Variants in SEMA3G observed in about 807,000 individuals in gnomAD.
SEMA3G encodes semaphorin-3G.
In SEMA3G, 70 loss-of-function variants were observed where a neutral mutation model predicts 86.2. That is an observed-to-expected ratio of 0.81 (90% CI 0.67 to 0.99). The LOEUF is 0.99. Among genes scored for constraint, SEMA3G ranks in the 50% least tolerant of loss-of-function variants. The pLI is 0.00. For missense variants in SEMA3G, 1,002 were observed against 1,072.4 expected (o/e 0.93, Z 0.92); for synonymous variants, 416 against 441.4 (o/e 0.94, Z 0.72).
At chr3:52,440,724 T>A in intron 9 of SEMA3G, 30 bp downstream of exon 9, 2 of 1,595,268 alleles carry the variant, frequency 1.3e-6, no homozygotes, top group Admixed American at 3.4e-5. Flanking sequence ...CAGGGGCCCA[T>A]CGCAAGGCCG....
chr3:52,443,471 G>A (rs551916299), intron 1 of SEMA3G, among the ~76,000 whole-genome samples: 1 of 152,306 alleles, frequency 6.6e-6, no homozygotes, highest in South Asian at 2.1e-4. Context: ...CCACCCCAGA[G>A]ATGAGAGCGG....
In SEMA3G at chr3:52,435,823, A is replaced by T. The variant is rs143334628; in HGVS notation, c.2129T>A (p.Ile710Asn). The change falls in exon 16 of 16, where the codon ATC (isoleucine) becomes AAC (asparagine). Residue 710 changes from isoleucine (I) to asparagine (N), a missense_variant. By Grantham distance (149) the Ile-to-Asn change is moderately radical. Transcript: ENST00000231721. ...STPPKAWYKDILQLIGFANLP... is the reference protein window; with the variant it reads ...STPPKAWYKDNLQLIGFANLP... ...GTTGGCGAAGCCAATGAGCTGCAGG[A>T]TGTCCTTGTACCAGGCCTTGGGTGG... 21 of 1,613,908 alleles carry T rather than the reference A, an allele frequency of 1.3e-5. No homozygotes were observed. Among genetic ancestry groups the T allele is most frequent in the African/African-American group, 2.7e-5 (2 of 74,876 alleles).
At chr3:52,437,364 G>A (rs748955194) in intron 15 of SEMA3G, among the ~76,000 whole-genome samples, 163 bp downstream of exon 15, 142 of 152,214 alleles carry the variant, frequency 9.3e-4, no homozygotes, top group Non-Finnish European at 1.4e-3. Context: ...GCAAAAATAG[G>A]GCACCTCCTT....
Position 52,438,129 on chromosome 3 carries a change from G to T in SEMA3G, c.1580C>A (p.Thr527Asn). 8.1e-6 allele frequency: 13 copies of T among 1,613,296 alleles called. No homozygotes were observed. The highest frequency in any genetic ancestry group is 1.0e-5 in the Non-Finnish European group (12 of 1,180,026). The stretch of plus-strand genomic sequence containing the variant: ...GGCCAGGCAGCACTCTGCACAGGCA[G>T]TGCCGTAAGTCTCACATTGGTGCAG... Reference protein sequence around the residue: ...LRLHQCETYGTACAECCLARD... With the variant: ...LRLHQCETYGNACAECCLARD... The change falls in exon 14 of 16, where the codon ACT (threonine) becomes AAT (asparagine). Residue 527 changes from threonine (T) to asparagine (N), a missense_variant. Transcript: ENST00000231721.
In SEMA3G at chr3:52,435,728, G is replaced by A. The variant is rs772782352; in HGVS notation, c.2224C>T (p.Arg742Trp). 15 of 1,613,910 alleles carry A rather than the reference G, an allele frequency of 9.3e-6. No individual in the cohort carries two copies. Among genetic ancestry groups the A allele is most frequent in the Admixed American group, 1.7e-5 (1 of 60,006 alleles). ...RGTTECSGCF[R>W]SRSRGKQARG... The stretch of plus-strand genomic sequence containing the variant: ...GCCTGCTTGCCCCGGCTCCGGCTCC[G>A]GAAGCAGCCTGAGCATTCCGTGGTG... Residue 742 changes from arginine (R) to tryptophan (W), a missense_variant, in exon 16 of 16, where the codon CGG becomes TGG. Transcript: ENST00000231721.
At chr3:52,438,790 A>T in intron 13 of SEMA3G, 130 bp downstream of exon 13, 2 of 1,502,662 alleles carry the variant, frequency 1.3e-6, no homozygotes, top group Non-Finnish European at 1.8e-6. Flanking sequence ...GGGGCGAATC[A>T]GGCCTGCCTC....
Position 52,440,841 on chromosome 3 carries a change from G to T in SEMA3G, c.929-18C>A. On this transcript the variant is annotated intron_variant, in intron 8 of 15. Coordinates refer to ENST00000231721, the MANE Select transcript of SEMA3G (RefSeq NM_020163.3). The stretch of plus-strand genomic sequence containing the variant: ...CACATCCTCTGGGGTAGAGAAAGGA[G>T]TATGAGTGTCATGGCCACCGCCAAT... 6.2e-7 allele frequency: 1 copy of T among 1,610,284 alleles called. No homozygotes were observed. The highest frequency in any genetic ancestry group is 1.1e-5 in the South Asian group (1 of 90,982).
At chr3:52,444,719 ACAAACACGGCACACGCAAAC>A (rs1472099571) in intron 1 of SEMA3G, among the ~76,000 whole-genome samples, 174 bp downstream of exon 1, 2 of 9,980 alleles carry the variant, frequency 2.0e-4, no homozygotes, top group Non-Finnish European at 3.4e-4. Flanking sequence ...GCACACGCAC[ACAAACACGGCACACGCAAAC>A]TCGGCACACG....
Position 52,441,315 on chromosome 3 carries a change from G to C in SEMA3G, c.762C>G (p.Pro254=). 6.2e-7 allele frequency: 1 copy of C among 1,613,740 alleles called. No homozygotes were observed. Among genetic ancestry groups the C allele is most frequent in the Non-Finnish European group, 8.5e-7 (1 of 1,180,044 alleles). ...YFFFSETVPS[P]DGGSNHVTVS... Reference sequence around the variant, plus strand: ...CAGTGACATGGTTCGAGCCACCATCGGGCGAGGGGACCGTCTCCGAGAAGA... The same window carrying C: ...CAGTGACATGGTTCGAGCCACCATCCGGCGAGGGGACCGTCTCCGAGAAGA... The change falls in exon 7 of 16, where the codon CCC becomes CCG. Residue 254 remains proline, a synonymous_variant. Coordinates refer to ENST00000231721, the MANE Select transcript of SEMA3G (RefSeq NM_020163.3).
Position 52,439,855 on chromosome 3 carries a change from C to G in SEMA3G, c.1375+12G>C. ...CCTCTCCAGCCTGGCCACCCTGGCT[C>G]AGCTGTCCTACCAGTCCCCAGGAAA... On this transcript the variant is annotated intron_variant, in intron 11 of 15. Coordinates refer to ENST00000231721, the MANE Select transcript of SEMA3G (RefSeq NM_020163.3). 1 of 1,612,006 alleles carries G rather than the reference C, an allele frequency of 6.2e-7. No homozygotes were observed. The highest frequency in any genetic ancestry group is 8.5e-7 in the Non-Finnish European group (1 of 1,178,560).
At chr3:52,441,096 T>G (rs759266949) in intron 7 of SEMA3G, 48 bp from the exon 8 acceptor site, 1 of 1,476,486 alleles carries the variant, frequency 6.8e-7, no homozygotes, top group South Asian at 1.2e-5. Flanking sequence ...CGAGGATGGG[T>G]CCCACCATCC....
rs766780307 is a variant in SEMA3G, at chr3:52,442,203, T to A, written c.441A>T (p.Thr147=). The change falls in exon 4 of 16, where the codon ACA becomes ACT. Residue 147 remains threonine, a synonymous_variant. Transcript: ENST00000231721. This position sits in a 1 kb window ranked among gnomAD's most constrained non-coding sequence, Gnocchi z 6.1. ...GAFQPTCALI[T]VGHRGEHVLH... ...GGCTCACCTCCCCACGGTGGCCAAC[T>A]GTGATGAGGGCACAGGTGGGCTGGA... The A allele has an allele frequency of 6.2e-7, 1 of 1,613,546 alleles. No individual in the cohort carries two copies. Among genetic ancestry groups the A allele is most frequent in the Non-Finnish European group, 8.5e-7 (1 of 1,179,778 alleles).
At position 52,440,374 on chromosome 3, in the gene SEMA3G, C is replaced by T; in HGVS notation, c.1143+3G>A. The stretch of plus-strand genomic sequence containing the variant: ...CCCTGGCCTGGCCCCAGCAGATACT[C>T]ACCACGCCAGGGCGAGGGAAGGGCA... On this transcript the variant is annotated splice_donor_region_variant and intron_variant, in intron 10 of 15. Transcript: ENST00000231721. 2 of 1,597,542 alleles carry T rather than the reference C, an allele frequency of 1.3e-6. No homozygotes were observed. Among genetic ancestry groups the T allele is most frequent in the Non-Finnish European group, 1.7e-6 (2 of 1,173,654 alleles).
chr3:52,439,980 C>A lies in SEMA3G; in HGVS notation c.1262G>T (p.Arg421Leu), dbSNP rs775423425. 1.4e-5 allele frequency: 23 copies of A among 1,613,602 alleles called. No individual in the cohort carries two copies. The East Asian group carries it at 5.1e-4, about 36-fold the overall frequency. The change falls in exon 11 of 16, where the codon CGA (arginine) becomes CTA (leucine). Residue 421 changes from arginine to leucine, a missense_variant. Physicochemically the swap from Arg to Leu is moderately radical, Grantham distance 102 (BLOSUM62 -2). Coordinates refer to ENST00000231721, the MANE Select transcript of SEMA3G (RefSeq NM_020163.3). ...HPLMFWPVRP[R>L]HGRPVLVKTH... ...CTTGACAAGGACAGGGCGGCCATGT[C>A]GAGGCCGCACAGGCCAGAACATGAG...
rs76460336 is a variant in SEMA3G, at chr3:52,443,644, G to A, written c.116-737C>T. On this transcript the variant is annotated intron_variant, in intron 1 of 15. Transcript: ENST00000231721. ...AGTGTCCTATGCCTTCCCTACGGAAGCACCTCTACCCAACACCCATTCCAC... is the reference window on the plus strand; with the variant it reads ...AGTGTCCTATGCCTTCCCTACGGAAACACCTCTACCCAACACCCATTCCAC... Among the ~76,000 whole-genome samples, 1,095 of 152,248 alleles carry A rather than the reference G, an allele frequency of 7.2e-3. 14 individuals carry two copies. Among genetic ancestry groups the A allele is most frequent in the African/African-American group, 0.026 (1,063 of 41,530 alleles).
At chr3:52,436,263 G>A (rs1706048867) in intron 15 of SEMA3G, among the ~76,000 whole-genome samples, 190 bp from the exon 16 acceptor site, 1 of 152,208 alleles carries the variant, frequency 6.6e-6, no homozygotes, top group South Asian at 2.1e-4. Flanking sequence ...AATTCAGGTG[G>A]GGCCTCACCT....
At chr3:52,436,848 G>T (rs1315736590) in intron 15 of SEMA3G, among the ~76,000 whole-genome samples, 2 of 152,210 alleles carry the variant, frequency 1.3e-5, no homozygotes, top group Non-Finnish European at 2.9e-5. Context: ...CCAACAGCTG[G>T]CCCAAGGCTG....
Position 52,435,160 on chromosome 3 carries a change from A to C in SEMA3G, c.*443T>G. 5.8e-6 allele frequency: 1 copy of C among 172,392 alleles called. No homozygotes were observed. The highest frequency in any genetic ancestry group is 1.2e-5 in the Non-Finnish European group (1 of 80,342). 10.7% of individuals were successfully genotyped at this position (172,392 alleles called of 1,614,324 possible). On this transcript the variant is annotated 3_prime_UTR_variant, in exon 16 of 16. Transcript: ENST00000231721. ...CTTACGGGGTGCTAGCTTAGAGGCC[A>C]TTTCCACCCTCTGGCTCCCTGCAGG...
Position 52,435,767 on chromosome 3 carries a change from C to G in SEMA3G, c.2185G>C (p.Val729Leu), listed in dbSNP as rs1391694028. The change falls in exon 16 of 16, where the codon GTG (valine) becomes CTG (leucine). Residue 729 changes from valine (V) to leucine (L), a missense_variant. By Grantham distance (32) the Val-to-Leu change is conservative (BLOSUM62 1). Coordinates refer to ENST00000231721, the MANE Select transcript of SEMA3G (RefSeq NM_020163.3). ...CATTCCGTGGTGCCCCTGCACCACA[C>G]GCGCTCACAGTACTCATCCACCCGG... ...LPRVDEYCERVWCRGTTECSG... is the reference protein window; with the variant it reads ...LPRVDEYCERLWCRGTTECSG... 1.2e-6 allele frequency: 2 copies of G among 1,614,136 alleles called. No homozygotes were observed. Among genetic ancestry groups the G allele is most frequent in the African/African-American group, 1.3e-5 (1 of 75,062 alleles).
Sources: allele counts gnomAD v4.1 joint callset (sites outside exome capture counted in the v4.1 genomes callset), GRCh38; gene constraint gnomAD v4.1.1; non-coding constraint Gnocchi (gnomAD v3.1); transcripts MANE v1.5; gene names NCBI Gene and HGNC (gene_info 2026-07-23, HGNC 2026-07-21).